Variants in WDFY4 observed in about 807,000 individuals in gnomAD.
WDFY4 encodes WD repeat- and FYVE domain-containing protein 4.
In WDFY4, 169 loss-of-function variants were observed where a neutral mutation model predicts 351.9. That is an observed-to-expected ratio of 0.48 (90% CI 0.42 to 0.55). The LOEUF (loss-of-function observed/expected upper bound fraction) is 0.55. Among genes scored for constraint, WDFY4 ranks in the 20% least tolerant of loss-of-function variants. The pLI is 0.00. For synonymous variants in WDFY4, 1,622 were observed against 1,574.6 expected (o/e 1.03, Z -0.71); for missense variants, 3,803 against 3,935.6 (o/e 0.97, Z 0.90).
chr10:48,700,563 G>A (rs2063451106), intron 1 of WDFY4, among the ~76,000 whole-genome samples: 1 of 152,256 alleles, frequency 6.6e-6, no homozygotes, highest in African/African-American at 2.4e-5. Flanking sequence ...TGTGGCAAAT[G>A]TTTACTGAAG....
At chr10:48,726,121 T>C in intron 6 of WDFY4, 51 bp downstream of exon 6, 4 of 1,509,834 alleles carry the variant, frequency 2.6e-6, no homozygotes, top group Non-Finnish European at 2.7e-6. Flanking sequence ...AGGGCTTCCC[T>C]TGAACTCAGA....
intron 10 of WDFY4, 115 bp from the exon 11 acceptor site, chr10:48,735,765 C>CA: frequency 1.8e-6 from 2 of 1,134,202 alleles, no homozygotes; most frequent in South Asian, 3.3e-5. Context: ...AAAAGAGAAA[C>CA]AAAAAATAGC....
intron 11 of WDFY4, among the ~76,000 whole-genome samples, chr10:48,738,944 C>T (rs2064762563): frequency 6.6e-6 from 1 of 152,194 alleles, no homozygotes; most frequent in African/African-American, 2.4e-5. Flanking sequence ...TTTCAAACAC[C>T]AGTGGCACTT....
rs11592431 is a variant in WDFY4, at chr10:48,898,480, C to T, written c.7437+906C>T. 5.0e-3 allele frequency among the ~76,000 whole-genome samples: 759 copies of T among 152,272 alleles called. 6 individuals are homozygous for T. The highest frequency in any genetic ancestry group is 7.0e-3 in the Non-Finnish European group (477 of 68,018). On this transcript the variant is annotated intron_variant, in intron 45 of 61. Transcript: ENST00000325239. ...TTAGTTCCAAAGGCCAGCAAGAGAG[C>T]AGTGCTTGGCCTAGATGAACTAGAC...
At chr10:48,772,274 C>T (rs1272522607) in intron 13 of WDFY4, among the ~76,000 whole-genome samples, 1 of 152,134 alleles carries the variant, frequency 6.6e-6, no homozygotes, top group Non-Finnish European at 1.5e-5. Flanking sequence ...GCATGAATTG[C>T]ACAACACAGT....
Position 48,709,974 on chromosome 10 carries a change from T to C in WDFY4, c.234+8T>C, listed in dbSNP as rs1232217461. The C allele has an allele frequency of 6.5e-7, 1 of 1,543,024 alleles. No homozygotes were observed. The highest frequency in any genetic ancestry group is 2.0e-5 in the Admixed American group (1 of 49,820). ...CTCCCCCTATTCCTAAAGGTTAGTG[T>C]TCTTATTTTTGAAACTGTAAGGTGA... On this transcript the variant is annotated splice_region_variant and intron_variant, in intron 2 of 61. Coordinates refer to ENST00000325239, the MANE Select transcript of WDFY4 (RefSeq NM_001394531.1).
At chr10:48,711,944 C>A (rs566316131) in intron 2 of WDFY4, among the ~76,000 whole-genome samples, 11 of 152,230 alleles carry the variant, frequency 7.2e-5, no homozygotes, top group Non-Finnish European at 1.5e-4. Context: ...TCGGAGCTCA[C>A]TCCAACATCT....
chr10:48,898,418 G>A (rs762609627), intron 45 of WDFY4, among the ~76,000 whole-genome samples: 25 of 152,268 alleles, frequency 1.6e-4, no homozygotes, highest in Non-Finnish European at 3.5e-4. Flanking sequence ...CGTAACAGGA[G>A]GGTCAGGATC....
intron 51 of WDFY4, among the ~76,000 whole-genome samples, chr10:48,950,281 G>A (rs1001474344): frequency 2.6e-5 from 4 of 152,178 alleles, no homozygotes; most frequent in Admixed American, 1.3e-4. Context: ...CCTCTTATAA[G>A]TGGAATTATG....
At chr10:48,910,302 A>T (rs1303654043) in intron 47 of WDFY4, 2 of 1,575,736 alleles carry the variant, frequency 1.3e-6, no homozygotes, top group South Asian at 2.2e-5. Context: ...GCTCCAGGCC[A>T]CAGAGGCAAA....
intron 47 of WDFY4, chr10:48,914,122 T>A: frequency 6.2e-7 from 1 of 1,614,168 alleles, no homozygotes; most frequent in Non-Finnish European, 8.5e-7. Flanking sequence ...AGGGTGATCT[T>A]CTTGCCCTTG....
In WDFY4 at chr10:48,780,065, A is replaced by G; in HGVS notation, c.3522A>G (p.Lys1174=). The G allele has an allele frequency of 6.4e-7, 1 of 1,552,016 alleles. No homozygotes were observed. Among genetic ancestry groups the G allele is most frequent in the Non-Finnish European group, 8.7e-7 (1 of 1,147,048 alleles). ...HLAVVVTKEM[K]RHCTVSTCLD... ...CTGTGGTTGTCACTAAGGAAATGAA[A>G]AGGCATTGTACAGTTTCCACCTGTC... The change falls in exon 19 of 62, where the codon AAA becomes AAG. Residue 1174 remains lysine (K), a synonymous_variant. Transcript: ENST00000325239.
At chr10:48,969,985 T>C in intron 56 of WDFY4, 146 bp from the exon 57 acceptor site, 1 of 1,008,142 alleles carries the variant, frequency 9.9e-7, no homozygotes, top group African/African-American at 1.6e-5. Context: ...TGGTCTGGAT[T>C]TTGTCACCAA....
At position 48,742,384 on chromosome 10, in the gene WDFY4, T is replaced by A. The variant is rs185798990; in HGVS notation, c.1879-584T>A. 1.9e-4 allele frequency among the ~76,000 whole-genome samples: 29 copies of A among 152,360 alleles called. No individual in the cohort carries two copies. The East Asian group carries it at 5.0e-3, about 26-fold the overall frequency. On this transcript the variant is annotated intron_variant, in intron 11 of 61. Coordinates refer to ENST00000325239, the MANE Select transcript of WDFY4 (RefSeq NM_001394531.1). ...TTTTACTGTTTCCCCTCATCTAATATAACCGATGAAGCCGTGCTTGCACAG... is the reference window on the plus strand; with the variant it reads ...TTTTACTGTTTCCCCTCATCTAATAAAACCGATGAAGCCGTGCTTGCACAG...
intron 24 of WDFY4, among the ~76,000 whole-genome samples, chr10:48,800,935 A>G (rs556641860): frequency 1.3e-5 from 2 of 151,850 alleles, no homozygotes; most frequent in East Asian, 3.9e-4. Flanking sequence ...ATTTCACCAT[A>G]TTGGTCAGGC....
intron 39 of WDFY4, among the ~76,000 whole-genome samples, chr10:48,845,544 G>A (rs983189207): frequency 6.6e-6 from 1 of 152,216 alleles, no homozygotes; most frequent in South Asian, 2.1e-4. Context: ...GAGGAGGAAA[G>A]ATGTGAGGGC....
chr10:48,917,269 T>C (rs1029694332), intron 47 of WDFY4, among the ~76,000 whole-genome samples: 7 of 152,356 alleles, frequency 4.6e-5, no homozygotes, highest in African/African-American at 1.7e-4. Flanking sequence ...CTATCTCTGC[T>C]GATACCTATA....
At chr10:48,759,499 C>A (rs2065436450) in intron 12 of WDFY4, among the ~76,000 whole-genome samples, 1 of 152,172 alleles carries the variant, frequency 6.6e-6, no homozygotes, top group Admixed American at 6.5e-5. Context: ...GTCCTCTGGT[C>A]AGAGAGAAAG....
chr10:48,929,666 G>A (rs1839871990), intron 47 of WDFY4, among the ~76,000 whole-genome samples: 1 of 152,208 alleles, frequency 6.6e-6, no homozygotes, highest in Admixed American at 6.5e-5. Context: ...CCCGGACCTT[G>A]CTCCCCAATT....
Sources: allele counts gnomAD v4.1 joint callset (sites outside exome capture counted in the v4.1 genomes callset), GRCh38; gene constraint gnomAD v4.1.1; transcripts MANE v1.5; gene names NCBI Gene and HGNC (gene_info 2026-07-23, HGNC 2026-07-21).